AKR1A1: variants seen among roughly 807,000 people sequenced by gnomAD.
The protein encoded by AKR1A1 is HEL-S-165mP.
A neutral mutation model predicts 39.2 loss-of-function variants in AKR1A1; 26 were observed. The observed-to-expected ratio is 0.66, with a 90% confidence interval of 0.49 to 0.92. The LOEUF is 0.92. AKR1A1 is among the 40% of genes least tolerant of loss of function. AKR1A1 has a pLI of 0.00. For synonymous variants in AKR1A1, 141 were observed against 155.5 expected, an observed-to-expected ratio of 0.91 and a Z score of 0.69; for missense variants, 378 against 406.5, an observed-to-expected ratio of 0.93 and a Z score of 0.60.
intron 2 of AKR1A1, among the ~76,000 whole-genome samples, chr1:45,562,152 A>G (rs913520390): frequency 6.6e-6 from 1 of 151,926 alleles, no homozygotes; most frequent in African/African-American, 2.4e-5. Flanking sequence ...TCCCTATGCT[A>G]TGACCCCTAA....
At chr1:45,560,725 CTTTTT>C (rs565611681) in intron 1 of AKR1A1, among the ~76,000 whole-genome samples, 4 of 114,340 alleles carry the variant, frequency 3.5e-5, no homozygotes, top group Non-Finnish European at 1.8e-5. Context: ...CTCTGCAGTT[CTTTTT>C]TTTTTTTTTT....
chr1:45,559,284 C>T (rs1038996269), intron 1 of AKR1A1, among the ~76,000 whole-genome samples: 3 of 152,164 alleles, frequency 2.0e-5, no homozygotes, highest in Non-Finnish European at 2.9e-5. Context: ...ACTGACAAAA[C>T]GAGTATTCTT....
chr1:45,567,795 C>G (rs1488926324), intron 4 of AKR1A1, 187 bp from the exon 5 acceptor site: 3 of 530,606 alleles, frequency 5.7e-6, no homozygotes, highest in Non-Finnish European at 9.8e-6. Flanking sequence ...CCACTGCACT[C>G]CAGCCTGGGC....
chr1:45,561,954 C>T (rs1027509432), intron 2 of AKR1A1, 76 bp downstream of exon 2: 2 of 1,426,232 alleles, frequency 1.4e-6, no homozygotes, highest in Non-Finnish European at 9.9e-7. Flanking sequence ...CCCCCATACT[C>T]CCCTTCCAGC....
chr1:45,568,764 G>A, intron 6 of AKR1A1, 80 bp downstream of exon 6: 2 of 1,569,666 alleles, frequency 1.3e-6, no homozygotes, highest in Non-Finnish European at 1.7e-6. Context: ...TCTGGGTGAG[G>A]CTGAGGATCT....
At chr1:45,556,166 G>A (rs1644199982) in intron 1 of AKR1A1, among the ~76,000 whole-genome samples, 1 of 152,140 alleles carries the variant, frequency 6.6e-6, no homozygotes, top group South Asian at 2.1e-4. Flanking sequence ...AGCCCTTTGA[G>A]AAAGAAAGAA....
chr1:45,560,152 T>A (rs932528005), intron 1 of AKR1A1, among the ~76,000 whole-genome samples: 10 of 152,100 alleles, frequency 6.6e-5, no homozygotes, highest in Non-Finnish European at 8.8e-5. Context: ...GCCTAGCTAA[T>A]TTTTGTATTT....
rs1644279589 is a variant in AKR1A1, at chr1:45,561,689, C to A, written c.-6-100C>A. On this transcript the variant is annotated intron_variant, in intron 1 of 8. Coordinates refer to ENST00000351829, the MANE Select transcript of AKR1A1 (RefSeq NM_153326.3). ...AAAGTGCTGGGATTACAGGTGTGAG[C>A]CACTGCACTTGGCGCTTTGCAGTAT... is the stretch of plus-strand genomic sequence containing the variant. 2.5e-6 allele frequency: 3 copies of A among 1,181,218 alleles called. No homozygotes were observed. The East Asian group carries it at 7.2e-5, about 28-fold the overall frequency. 73.2% of individuals were successfully genotyped at this position (1,181,218 alleles called of 1,614,324 possible).
rs761048161 is a variant in AKR1A1, at chr1:45,568,142, C to T, written c.517C>T (p.Leu173Phe). Residue 173 changes from leucine to phenylalanine, a missense_variant, in exon 5 of 9, where the codon CTC becomes TTC. Transcript: ENST00000351829. ...NFNSRQIDDI[L>F]SVASVRPAVL... is the part of the protein sequence containing the mutation. ...CAACAGTCGGCAGATTGATGACATA[C>T]TCAGTGTGGCCTCCGTGCGTCCAGC... The T allele has an allele frequency of 9.9e-6, 16 of 1,613,822 alleles. No homozygotes were observed. The highest frequency in any genetic ancestry group is 8.5e-7 in the Non-Finnish European group (1 of 1,179,970).
At chr1:45,554,251 A>T (rs1644171329) in intron 1 of AKR1A1, among the ~76,000 whole-genome samples, 1 of 152,056 alleles carries the variant, frequency 6.6e-6, no homozygotes, top group African/African-American at 2.4e-5. Flanking sequence ...ACAAGGAGAA[A>T]CCCTGTCTCT....
At chr1:45,563,356 C>T (rs1368782281) in intron 2 of AKR1A1, among the ~76,000 whole-genome samples, 1 of 149,572 alleles carries the variant, frequency 6.7e-6, no homozygotes, top group Non-Finnish European at 1.5e-5. Context: ...GCCAAAATTA[C>T]GCCACTGCAC....
At chr1:45,569,354 T>C (rs1274994383) in intron 8 of AKR1A1, 125 bp downstream of exon 8, 8 of 763,248 alleles carry the variant, frequency 1.0e-5, no homozygotes, top group Admixed American at 2.2e-5. Flanking sequence ...ATTGCTATGC[T>C]GGACATAGTG....
At chr1:45,567,688 G>A (rs1041069488) in intron 4 of AKR1A1, 5 of 221,268 alleles carry the variant, frequency 2.3e-5, no homozygotes, top group East Asian at 2.0e-4. Flanking sequence ...TTAGCTGCGC[G>A]TGGTGGTGAG....
chr1:45,562,373 G>A (rs981520037), intron 2 of AKR1A1, among the ~76,000 whole-genome samples: 6 of 136,420 alleles, frequency 4.4e-5, no homozygotes. Context: ...ACAGGGTCTC[G>A]CTCTGTTGCC....
chr1:45,556,969 C>T (rs1368292795), intron 1 of AKR1A1, among the ~76,000 whole-genome samples: 1 of 150,468 alleles, frequency 6.6e-6, no homozygotes, highest in Non-Finnish European at 1.5e-5. Context: ...ACTGGTGGAT[C>T]ACCTGAGGTC....
At chr1:45,563,042 G>C (rs1025170353) in intron 2 of AKR1A1, among the ~76,000 whole-genome samples, 1 of 151,820 alleles carries the variant, frequency 6.6e-6, no homozygotes, top group Non-Finnish European at 1.5e-5. Flanking sequence ...CCTGGAAGTC[G>C]AGGCTGCAGT....
chr1:45,566,128 G>A (rs1470636651), intron 2 of AKR1A1, among the ~76,000 whole-genome samples: 1 of 151,736 alleles, frequency 6.6e-6, no homozygotes, highest in Non-Finnish European at 1.5e-5. Flanking sequence ...TTTGTTTTGA[G>A]ATGGAGTTTC....
rs1287625190 is a variant in AKR1A1, at chr1:45,551,044, T to TGG, written c.-117_-116dup. 1 of 152,568 alleles carries TGG rather than the reference T, an allele frequency of 6.6e-6. No individual in the cohort carries two copies. Among genetic ancestry groups the TGG allele is most frequent in the African/African-American group, 2.4e-5 (1 of 41,462 alleles). The allele number at this position is 152,568 out of a possible 1,614,324, so 9.5% of individuals were successfully genotyped here. A position where few individuals can be genotyped will look rare whatever the true frequency, so the allele number is the denominator to read the frequency against. On this transcript the variant is annotated 5_prime_UTR_variant, in exon 1 of 9. It removes the in-frame stop codon of an upstream open reading frame in the 5' UTR. Coordinates refer to ENST00000351829, the MANE Select transcript of AKR1A1 (RefSeq NM_153326.3). ...CCCGGCCCCTGCCCCTCCCTCCGGG[T>TGG]GGAACTTCCCCCTCACCGCCAGACT...
At chr1:45,554,271 A>G (rs1483403309) in intron 1 of AKR1A1, among the ~76,000 whole-genome samples, 2 of 151,822 alleles carry the variant, frequency 1.3e-5, no homozygotes, top group Non-Finnish European at 2.9e-5. Context: ...TACGAAAAAC[A>G]CAAAAAATGA....
Sources: allele counts gnomAD v4.1 joint callset (sites outside exome capture counted in the v4.1 genomes callset), GRCh38; gene constraint gnomAD v4.1.1; transcripts MANE v1.5; gene names NCBI Gene and HGNC (gene_info 2026-07-23, HGNC 2026-07-21).